ZCCHC7: variants seen among roughly 807,000 people sequenced by gnomAD.
ZCCHC7 encodes zinc finger CCHC-type containing 7.
In ZCCHC7, 35 loss-of-function variants were observed where a neutral mutation model predicts 52.0. The ratio of observed to expected loss-of-function variants is 0.67; its 90% CI spans 0.51 to 0.89. The LOEUF (loss-of-function observed/expected upper bound fraction) is 0.89. Ranked by LOEUF, ZCCHC7 falls within the 40% of genes least tolerant of loss-of-function variation. The probability of loss-of-function intolerance (pLI) is 0.00; values close to 1 mark genes in which losing one functional copy is unlikely to be tolerated. For missense variants in ZCCHC7, 574 were observed against 649.1 expected (o/e 0.88, Z 1.26); for synonymous variants, 217 against 221.5 (o/e 0.98, Z 0.18).
chr9:37,193,619 TA>T lies in ZCCHC7; in HGVS notation c.610+66689del, dbSNP rs1040569228. Among the ~76,000 whole-genome samples the T allele has an allele frequency of 7.6e-4, 112 of 147,700 alleles. 1 individual carries two copies. The highest frequency in any genetic ancestry group is 1.8e-3 in the Admixed American group (27 of 14,752). ...CCTGGAGAAAAATCTAGTAGCCTTT[TA>T]AAAAAAAAAAATTGTGTTAATAATA... On this transcript the variant is annotated intron_variant, in intron 2 of 8. Coordinates refer to ENST00000336755, the MANE Select transcript of ZCCHC7 (RefSeq NM_032226.3).
intron 5 of ZCCHC7, chr9:37,327,585 C>T (rs1588676878): frequency 2.2e-6 from 1 of 453,144 alleles, no homozygotes; most frequent in East Asian, 3.2e-5. Flanking sequence ...AACTTTGTTA[C>T]TGGCTTTCTG....
chr9:37,187,502 C>T (rs1309061362), intron 2 of ZCCHC7, among the ~76,000 whole-genome samples: 1 of 152,242 alleles, frequency 6.6e-6, no homozygotes, highest in African/African-American at 2.4e-5. Context: ...CAGTTCCTAA[C>T]AGGCCACGAA....
chr9:37,191,596 A>G (rs573000683), intron 2 of ZCCHC7, among the ~76,000 whole-genome samples: 1 of 152,302 alleles, frequency 6.6e-6, no homozygotes, highest in African/African-American at 2.4e-5. Context: ...GGCTGTCTGC[A>G]TCAGCTGTCC....
At chr9:37,139,104 A>G (rs1055153389) in intron 2 of ZCCHC7, among the ~76,000 whole-genome samples, 15 of 151,994 alleles carry the variant, frequency 9.9e-5, no homozygotes, top group Non-Finnish European at 1.8e-4. Flanking sequence ...CAAAGTAATA[A>G]TCTCTTATAA....
intron 5 of ZCCHC7, among the ~76,000 whole-genome samples, chr9:37,305,922 C>T (rs1212666062): frequency 6.6e-6 from 1 of 151,890 alleles, no homozygotes; most frequent in Non-Finnish European, 1.5e-5. Context: ...AAGGAGCCTA[C>T]TGAATCAGAA....
intron 2 of ZCCHC7, among the ~76,000 whole-genome samples, chr9:37,202,115 G>A (rs987250361): frequency 1.4e-4 from 21 of 152,188 alleles, no homozygotes; most frequent in African/African-American, 2.9e-4. Context: ...AATAAAGATA[G>A]CACAGTGTGC....
At chr9:37,303,588 G>T (rs1829143552) in intron 3 of ZCCHC7, among the ~76,000 whole-genome samples, 2 of 150,914 alleles carry the variant, frequency 1.3e-5, no homozygotes, top group Non-Finnish European at 3.0e-5. Flanking sequence ...AGACTCAGCA[G>T]GCGGGAGGGG....
At chr9:37,264,433 G>A (rs1827005976) in intron 2 of ZCCHC7, among the ~76,000 whole-genome samples, 2 of 150,040 alleles carry the variant, frequency 1.3e-5, no homozygotes, top group African/African-American at 5.0e-5. Flanking sequence ...TCAAACCTGT[G>A]TACTGATGAA....
chr9:37,251,182 T>G (rs1654285857), intron 2 of ZCCHC7, among the ~76,000 whole-genome samples: 1 of 152,194 alleles, frequency 6.6e-6, no homozygotes, highest in South Asian at 2.1e-4. Context: ...TAATTATGAT[T>G]TATTTATATT....
At chr9:37,152,610 A>G (rs1179140550) in intron 2 of ZCCHC7, among the ~76,000 whole-genome samples, 1 of 152,126 alleles carries the variant, frequency 6.6e-6, no homozygotes, top group Non-Finnish European at 1.5e-5. Context: ...TCCCCAAATT[A>G]GGATTTGTTT....
chr9:37,283,495 T>C (rs955865929), intron 2 of ZCCHC7, among the ~76,000 whole-genome samples: 2 of 152,242 alleles, frequency 1.3e-5, no homozygotes, highest in African/African-American at 4.8e-5. Context: ...TTGAATTTTC[T>C]ATTTTGAAAA....
At chr9:37,352,883 C>G (rs1206949877) in intron 7 of ZCCHC7, among the ~76,000 whole-genome samples, 3 of 151,820 alleles carry the variant, frequency 2.0e-5, no homozygotes, top group South Asian at 4.2e-4. Context: ...GACCCTCCCC[C>G]CGACAAAAAA....
At chr9:37,321,413 A>C (rs1830049757) in intron 5 of ZCCHC7, among the ~76,000 whole-genome samples, 1 of 152,046 alleles carries the variant, frequency 6.6e-6, no homozygotes, top group African/African-American at 2.4e-5. Flanking sequence ...ACAGAAATAA[A>C]CCACTGTTCC....
At chr9:37,242,584 A>G (rs1036170080) in intron 2 of ZCCHC7, among the ~76,000 whole-genome samples, 4 of 151,718 alleles carry the variant, frequency 2.6e-5, no homozygotes, top group African/African-American at 9.7e-5. Context: ...CTCTATGTAG[A>G]TAGTGCTTTT....
At chr9:37,170,030 A>G (rs145940741) in intron 2 of ZCCHC7, among the ~76,000 whole-genome samples, 2 of 152,144 alleles carry the variant, frequency 1.3e-5, no homozygotes, top group African/African-American at 2.4e-5. Context: ...TGCCACTGCA[A>G]TCCTTGGCTG....
chr9:37,214,094 C>T (rs943628051), intron 2 of ZCCHC7, among the ~76,000 whole-genome samples: 2 of 150,104 alleles, frequency 1.3e-5, no homozygotes, highest in Non-Finnish European at 2.9e-5. Context: ...ATCACTTATT[C>T]CTAGGATTGT....
chr9:37,159,880 CAAGA>C (rs1158438354), intron 2 of ZCCHC7, among the ~76,000 whole-genome samples: 2 of 152,154 alleles, frequency 1.3e-5, no homozygotes, highest in Non-Finnish European at 2.9e-5. Flanking sequence ...AGTGGTTAAT[CAAGA>C]GTAACCTGTT....
chr9:37,267,861 GC>G (rs2133481327), intron 2 of ZCCHC7, among the ~76,000 whole-genome samples: 1 of 152,080 alleles, frequency 6.6e-6, no homozygotes, highest in South Asian at 2.1e-4. Context: ...GAGCCACCGC[GC>G]CCGGCCTAAT....
Position 37,165,149 on chromosome 9 carries a change from A to G in ZCCHC7, c.610+38207A>G, listed in dbSNP as rs556165013. On this transcript the variant is annotated intron_variant, in intron 2 of 8. Coordinates refer to ENST00000336755, the MANE Select transcript of ZCCHC7 (RefSeq NM_032226.3). ...CCAGTTTAAAATTACAGTTTCCAGT[A>G]TTACTGGTATATATTGATCTTGATT... is the stretch of plus-strand genomic sequence containing the variant. 2.6e-5 allele frequency among the ~76,000 whole-genome samples: 4 copies of G among 152,278 alleles called. No homozygotes were observed. In the South Asian group the frequency reaches 8.3e-4, roughly 32 times the overall value.
Sources: allele counts gnomAD v4.1 joint callset (sites outside exome capture counted in the v4.1 genomes callset), GRCh38; gene constraint gnomAD v4.1.1; transcripts MANE v1.5; gene names NCBI Gene and HGNC (gene_info 2026-07-23, HGNC 2026-07-21).